Variants in ODAD2 observed in about 807,000 individuals in gnomAD.
The protein encoded by ODAD2 is outer dynein arm-docking complex subunit 2.
A neutral mutation model predicts 106.8 loss-of-function variants in ODAD2; 89 were observed. The ratio of observed to expected loss-of-function variants is 0.83; its 90% CI spans 0.70 to 0.99. ODAD2 has a LOEUF of 0.99. ODAD2 is among the 50% of genes least tolerant of loss of function. ODAD2 has a pLI of 0.00. For synonymous variants in ODAD2, 404 were observed against 436.2 expected, an observed-to-expected ratio of 0.93 and a Z score of 0.92; for missense variants, 1,168 against 1,238.5, an observed-to-expected ratio of 0.94 and a Z score of 0.85.
intron 17 of ODAD2, among the ~76,000 whole-genome samples, chr10:27,903,726 G>T (rs757643701): frequency 6.6e-6 from 1 of 152,100 alleles, no homozygotes; most frequent in Non-Finnish European, 1.5e-5. Flanking sequence ...AAAATACCTA[G>T]GAATAGGGCC....
intron 17 of ODAD2, among the ~76,000 whole-genome samples, chr10:27,869,982 C>A (rs59235047): frequency 0.028 from 4,288 of 151,912 alleles, 214 homozygotes; most frequent in African/African-American, 0.098. Context: ...GTCAAAATGA[C>A]CTTCAAAGTA....
chr10:27,958,784 T>C, intron 10 of ODAD2: 3 of 1,181,540 alleles, frequency 2.5e-6, no homozygotes, highest in Non-Finnish European at 3.3e-6. Flanking sequence ...GAACTTTTAT[T>C]TTTCCATCTT....
Position 27,987,400 on chromosome 10 carries a change from T to G in ODAD2, c.368A>C (p.Gln123Pro). The G allele has an allele frequency of 6.2e-7, 1 of 1,613,470 alleles. No individual in the cohort carries two copies. Among genetic ancestry groups the G allele is most frequent in the Non-Finnish European group, 8.5e-7 (1 of 1,179,800 alleles). Residue 123 changes from glutamine (Q) to proline (P), a missense_variant, in exon 3 of 20, where the codon CAA becomes CCA. Physicochemically the swap from Gln to Pro is moderately conservative, Grantham distance 76. Around this residue, in one of 3 missense-constraint regions of ODAD2, gnomAD observed 430 missense variants for 452.2 expected, o/e 0.95. Transcript: ENST00000305242. Reference sequence around the variant, plus strand: ...ATTAAGATCACCTTCAACACATGCTTGGGCTTCCTTCAACTTCCCAGTTTT... The same window carrying G: ...ATTAAGATCACCTTCAACACATGCTGGGGCTTCCTTCAACTTCCCAGTTTT... ...IAKTGKLKEAQACVEANRDPI... is the reference protein window; with the variant it reads ...IAKTGKLKEAPACVEANRDPI...
chr10:27,887,363 A>C (rs887870972), intron 17 of ODAD2, among the ~76,000 whole-genome samples: 9 of 152,062 alleles, frequency 5.9e-5, no homozygotes, highest in African/African-American at 1.9e-4. Context: ...AAACATTGAC[A>C]GAGTTGAAGG....
Position 27,860,656 on chromosome 10 carries a change from C to T in ODAD2, c.2990G>A (p.Cys997Tyr). 1 of 1,614,074 alleles carries T rather than the reference C, an allele frequency of 6.2e-7. No individual in the cohort carries two copies. Among genetic ancestry groups the T allele is most frequent in the Non-Finnish European group, 8.5e-7 (1 of 1,180,006 alleles). ...LYQLSEDADN[C>Y]ITMHENGAVK... ...TGCACCATTCTCATGCATGGTGATG[C>T]AGTTATCGGCGTCTTCTGAGAGTTG... is the stretch of plus-strand genomic sequence containing the variant. The change falls in exon 19 of 20, where the codon TGC becomes TAC. Residue 997 changes from cysteine (C) to tyrosine (Y), a missense_variant. By Grantham distance (194) the Cys-to-Tyr change is radical (BLOSUM62 -2). This residue lies in a region of ODAD2 where 701 missense variants were observed against 712.3 expected (regional missense o/e 0.98). Coordinates refer to ENST00000305242, the MANE Select transcript of ODAD2 (RefSeq NM_018076.5).
At chr10:27,949,017 A>G (rs777116368) in intron 10 of ODAD2, among the ~76,000 whole-genome samples, 4 of 152,128 alleles carry the variant, frequency 2.6e-5, no homozygotes, top group Non-Finnish European at 4.4e-5. Context: ...TTCAAATAAA[A>G]TATTTGAAAT....
intron 7 of ODAD2, among the ~76,000 whole-genome samples, chr10:27,974,612 T>C (rs1849069308): frequency 1.3e-5 from 2 of 152,068 alleles, no homozygotes; most frequent in Non-Finnish European, 2.9e-5. Flanking sequence ...GCCAGTACCA[T>C]GTTGTTTCGG....
chr10:27,950,167 C>T (rs1037399936), intron 10 of ODAD2, among the ~76,000 whole-genome samples: 2 of 152,128 alleles, frequency 1.3e-5, no homozygotes, highest in Admixed American at 6.5e-5. Context: ...TTCCTTCAAA[C>T]ATGCCACTCA....
In ODAD2 at chr10:27,838,862, A is replaced by C. The variant is rs150756505; in HGVS notation, c.3021+21763T>G. 1.2e-3 allele frequency among the ~76,000 whole-genome samples: 188 copies of C among 152,216 alleles called. 2 individuals are homozygous for C. The highest frequency in any genetic ancestry group is 4.2e-3 in the African/African-American group (174 of 41,478). Reference sequence around the variant, plus strand: ...TATTTGAAACGGATCTTTTATCAACAAAAAAAGCTGCGGGACATAGCTACT... The same window carrying C: ...TATTTGAAACGGATCTTTTATCAACCAAAAAAGCTGCGGGACATAGCTACT... On this transcript the variant is annotated intron_variant, in intron 19 of 19. Transcript: ENST00000305242.
chr10:27,917,734 A>G (rs965121444), intron 16 of ODAD2, among the ~76,000 whole-genome samples: 15 of 151,932 alleles, frequency 9.9e-5, no homozygotes, highest in African/African-American at 3.6e-4. Flanking sequence ...TTTTGTTTGA[A>G]AAACCAATTG....
intron 9 of ODAD2, among the ~76,000 whole-genome samples, chr10:27,963,258 C>T (rs553997359): frequency 5.9e-5 from 9 of 152,192 alleles, no homozygotes; most frequent in African/African-American, 1.9e-4. Flanking sequence ...CCTCCCGTCT[C>T]GGCCTCCCAA....
At chr10:27,832,536 G>GACAC (rs760343073) in intron 19 of ODAD2, among the ~76,000 whole-genome samples, 1 of 151,070 alleles carries the variant, frequency 6.6e-6, no homozygotes, top group Admixed American at 6.6e-5. Context: ...CACACACACA[G>GACAC]ACACACACAC....
At chr10:27,959,844 T>G (rs576676430) in intron 10 of ODAD2, among the ~76,000 whole-genome samples, 7 of 152,276 alleles carry the variant, frequency 4.6e-5, no homozygotes, top group African/African-American at 1.7e-4. Flanking sequence ...GCTAAAAATT[T>G]CAGAGGTTTT....
chr10:27,862,674 C>T, intron 17 of ODAD2, 52 bp from the exon 18 acceptor site: 20 of 1,423,352 alleles, frequency 1.4e-5, no homozygotes, highest in Non-Finnish European at 1.9e-5. Context: ...TACATTTAGG[C>T]ATTTTTTAAG....
chr10:27,883,338 C>T (rs770958408), intron 17 of ODAD2, among the ~76,000 whole-genome samples: 28 of 152,128 alleles, frequency 1.8e-4, no homozygotes, highest in Non-Finnish European at 3.8e-4. Flanking sequence ...GCATATTTTA[C>T]AGAATTAGCC....
chr10:27,869,540 CTT>C (rs35782656), intron 17 of ODAD2, among the ~76,000 whole-genome samples: 39 of 139,902 alleles, frequency 2.8e-4, no homozygotes, highest in Non-Finnish European at 3.4e-4. Flanking sequence ...TTTTCTTTTT[CTT>C]TTTTTTTTTT....
chr10:27,947,266 T>C (rs748466849), intron 10 of ODAD2, among the ~76,000 whole-genome samples: 9 of 152,092 alleles, frequency 5.9e-5, no homozygotes, highest in Non-Finnish European at 1.3e-4. Context: ...TTCCATTTCC[T>C]CTTTTAAAAA....
In ODAD2 at chr10:27,935,248, G is replaced by C; in HGVS notation, c.2257C>G (p.Arg753Gly). 2.5e-6 allele frequency: 4 copies of C among 1,613,606 alleles called. No homozygotes were observed. Among genetic ancestry groups the C allele is most frequent in the Non-Finnish European group, 3.4e-6 (4 of 1,179,674 alleles). ...SISKENVTKF[R>G]EYKAIETLVG... is the part of the protein sequence containing the mutation. Reference sequence around the variant, plus strand: ...AAGGTTTCAATGGCTTTGTATTCCCGAAACCTAAGTTCATCATAAGAAAGA... The same window carrying C: ...AAGGTTTCAATGGCTTTGTATTCCCCAAACCTAAGTTCATCATAAGAAAGA... Residue 753 changes from arginine to glycine, a missense_variant, in exon 16 of 20, where the codon CGG (arginine) becomes GGG (glycine). Transcript: ENST00000305242.
intron 19 of ODAD2, among the ~76,000 whole-genome samples, chr10:27,852,107 A>G (rs555985425): frequency 3.1e-4 from 47 of 152,364 alleles, no homozygotes; most frequent in African/African-American, 1.1e-3. Flanking sequence ...GACAAAATAA[A>G]AAGTCTTTTT....
Sources: gnomAD v4.1 joint callset for allele counts (sites outside exome capture counted in the v4.1 genomes callset) on GRCh38, gnomAD v4.1.1 for gene constraint, gnomAD v4.1.1 regional missense constraint, MANE v1.5 for transcripts, NCBI Gene and HGNC (gene_info 2026-07-23, HGNC 2026-07-21) for gene names.